NUP35: variants seen among roughly 807,000 people sequenced by gnomAD.
The protein encoded by NUP35 is nucleoporin 35, also known as nucleoporin NUP35.
A neutral mutation model predicts 41.5 loss-of-function variants in NUP35; 25 were observed. The observed-to-expected ratio is 0.60, with a 90% CI of 0.44 to 0.84. The LOEUF (loss-of-function observed/expected upper bound fraction) is 0.84. NUP35 is among the 40% of genes least tolerant of loss of function. The pLI is 0.00. For missense variants in NUP35, 396 were observed against 396.6 expected (o/e 1.00, Z 0.01); for synonymous variants, 149 against 130.7 (o/e 1.14, Z -0.96).
chr2:183,118,011 G>C (rs4666888), intron 1 of NUP35, among the ~76,000 whole-genome samples: 95,136 of 152,016 alleles, frequency 0.63, 32,672 homozygotes, highest in East Asian at 0.98. Context: ...TGGCAGTTTA[G>C]GGGGCAAGAA....
chr2:183,138,538 T>C (rs1288515587), intron 4 of NUP35, among the ~76,000 whole-genome samples: 1 of 151,986 alleles, frequency 6.6e-6, no homozygotes, highest in Non-Finnish European at 1.5e-5. Flanking sequence ...TAAGTCAAAA[T>C]AGGAAATCTG....
chr2:183,148,754 G>A (rs766750406), intron 4 of NUP35, among the ~76,000 whole-genome samples: 59 of 152,156 alleles, frequency 3.9e-4, no homozygotes, highest in Non-Finnish European at 1.8e-4. Context: ...CACCTCCCAG[G>A]CTCCAGTGAT....
At position 183,128,330 on chromosome 2, in the gene NUP35, A is replaced by C; in HGVS notation, c.84A>C (p.Pro28=). 6.2e-7 allele frequency: 1 copy of C among 1,613,818 alleles called. No homozygotes were observed. The highest frequency in any genetic ancestry group is 8.5e-7 in the Non-Finnish European group (1 of 1,179,804). Residue 28 remains proline (P), a synonymous_variant, in exon 2 of 9, where the codon CCA becomes CCC. Coordinates refer to ENST00000295119, the MANE Select transcript of NUP35 (RefSeq NM_138285.5). ...TGGGTTCACCCACATCTCCAAAGCC[A>C]GGAGTTAATGCCCAGTTCTTACCTG... ...MMLGSPTSPK[P]GVNAQFLPGF... is the part of the protein sequence containing the mutation.
rs143697117 is a variant in NUP35, at chr2:183,158,407, A to C, written c.734A>C (p.Asp245Ala). The C allele has an allele frequency of 3.5e-4, 563 of 1,597,644 alleles. No homozygotes were observed. The highest frequency in any genetic ancestry group is 4.6e-4 in the Non-Finnish European group (534 of 1,170,842). ...ATGATTGGTGTAAAACCATGTATTG[A>C]CAAAGTAAGTTATTGGTGATGTAGG... The part of the protein sequence containing the change: ...SIMIGVKPCI[D>A]KSVMESSDRC... Residue 245 changes from aspartate (D) to alanine (A), a missense_variant, in exon 7 of 9, where the codon GAC becomes GCC. Asp to Ala is a moderately radical substitution (Grantham distance 126, BLOSUM62 -2). Coordinates refer to ENST00000295119, the MANE Select transcript of NUP35 (RefSeq NM_138285.5).
At chr2:183,132,739 G>A (rs902558412) in intron 3 of NUP35, among the ~76,000 whole-genome samples, 1 of 152,132 alleles carries the variant, frequency 6.6e-6, no homozygotes, top group African/African-American at 2.4e-5. Context: ...TTTTTGATTT[G>A]AAAGTTGGTA....
At position 183,129,156 on chromosome 2, in the gene NUP35, C is replaced by T. The variant is rs931965706; in HGVS notation, c.211+699C>T. On this transcript the variant is annotated intron_variant, in intron 2 of 8. Coordinates refer to ENST00000295119, the MANE Select transcript of NUP35 (RefSeq NM_138285.5). ...GAAGTGTAACTTGAAGATGTAGATA[C>T]GAATTCTGCCTTTAGTCTTAGTGAA... is the stretch of plus-strand genomic sequence containing the variant. Among the ~76,000 whole-genome samples the T allele has an allele frequency of 6.6e-5, 10 of 152,224 alleles. No homozygotes were observed. The East Asian group carries it at 1.3e-3, about 21-fold the overall frequency.
At chr2:183,150,641 C>T in intron 4 of NUP35, among the ~76,000 whole-genome samples, 1 of 152,118 alleles carries the variant, frequency 6.6e-6, no homozygotes, top group Non-Finnish European at 1.5e-5. Flanking sequence ...AGTTTTGTAG[C>T]ACATTAAGTA....
chr2:183,134,289 T>A (rs1000462844), intron 4 of NUP35, among the ~76,000 whole-genome samples: 19 of 152,202 alleles, frequency 1.2e-4, no homozygotes, highest in Non-Finnish European at 2.5e-4. Flanking sequence ...TCCCTGCCTT[T>A]ATGGAACTTA....
chr2:183,140,822 CAAA>C (rs34256493), intron 4 of NUP35, among the ~76,000 whole-genome samples: 14 of 89,518 alleles, frequency 1.6e-4, no homozygotes, highest in Non-Finnish European at 1.5e-4. Context: ...AAACTCCATT[CAAA>C]AAAAAAAAAA....
At chr2:183,120,358 A>C (rs1278544107), upstream of NUP35, among the ~76,000 whole-genome samples, 1 of 150,180 alleles carries the variant, frequency 6.7e-6, no homozygotes, top group Non-Finnish European at 1.5e-5. Context: ...AGGCAGGAGA[A>C]TTTCTTGAAC....
intron 4 of NUP35, among the ~76,000 whole-genome samples, chr2:183,147,677 C>T (rs1435710493): frequency 1.3e-5 from 2 of 152,072 alleles, no homozygotes; most frequent in African/African-American, 4.8e-5. Context: ...TTCTTGCTTC[C>T]CTGTGAATTT....
At chr2:183,119,665 G>A (rs545429809), upstream of NUP35, among the ~76,000 whole-genome samples, 43 of 152,134 alleles carry the variant, frequency 2.8e-4, no homozygotes, top group African/African-American at 9.9e-4. Flanking sequence ...AGGATGAGGA[G>A]GTGAAGGAAA....
At chr2:183,157,665 G>A (rs72894596) in intron 6 of NUP35, 152 bp downstream of exon 6, 18,911 of 592,958 alleles carry the variant, frequency 0.032, 430 homozygotes, top group Non-Finnish European at 0.042. Context: ...CTGGAAGGCT[G>A]GAAGTTGCCT....
At chr2:183,140,878 G>A (rs2675098) in intron 4 of NUP35, among the ~76,000 whole-genome samples, 118,752 of 150,922 alleles carry the variant, frequency 0.79, 47,123 homozygotes, top group African/African-American at 0.86. Flanking sequence ...AAAATGCAAT[G>A]ATCTTTAACC....
intron 5 of NUP35, among the ~76,000 whole-genome samples, chr2:183,153,718 C>G (rs1339073083): frequency 6.6e-6 from 1 of 152,134 alleles, no homozygotes; most frequent in Non-Finnish European, 1.5e-5. Context: ...ATGGGTTTTC[C>G]AGGCACAGAG....
intron 2 of NUP35, among the ~76,000 whole-genome samples, chr2:183,129,024 G>A (rs956663455): frequency 6.6e-6 from 1 of 152,134 alleles, no homozygotes; most frequent in Admixed American, 6.5e-5. Flanking sequence ...AGTGTGGTGG[G>A]GGAAGAGTGC....
Position 183,158,289 on chromosome 2 carries a change from A to G in NUP35, c.616A>G (p.Asn206Asp), listed in dbSNP as rs1176714303. Reference protein sequence around the residue: ...YGNILKHVMSNTGNWMHIRYQ... With the variant: ...YGNILKHVMSDTGNWMHIRYQ... ...ACAGTTTTATTCTTTGCAGATGTCT[A>G]ATACAGGAAATTGGATGCATATTCG... is the stretch of plus-strand genomic sequence containing the variant. Residue 206 changes from asparagine to aspartate, a missense_variant, in exon 7 of 9, where the codon AAT (asparagine) becomes GAT (aspartate). By Grantham distance (23) the Asn-to-Asp change is conservative. Transcript: ENST00000295119. The G allele has an allele frequency of 1.9e-6, 3 of 1,585,576 alleles. No individual in the cohort carries two copies. Among genetic ancestry groups the G allele is most frequent in the Non-Finnish European group, 1.7e-6 (2 of 1,163,662 alleles).
intron 1 of NUP35, among the ~76,000 whole-genome samples, chr2:183,124,832 C>T (rs1684384283): frequency 6.6e-6 from 1 of 152,096 alleles, no homozygotes; most frequent in African/African-American, 2.4e-5. Context: ...ATGCTGGTTG[C>T]TGGATTCCCA....
At chr2:183,141,086 C>A (rs1164235895) in intron 4 of NUP35, among the ~76,000 whole-genome samples, 9 of 151,990 alleles carry the variant, frequency 5.9e-5, no homozygotes, top group Non-Finnish European at 1.3e-4. Flanking sequence ...GATAGGATTA[C>A]CTCTGGAGAT....
Sources: gnomAD v4.1 joint callset for allele counts (sites outside exome capture counted in the v4.1 genomes callset) on GRCh38, gnomAD v4.1.1 for gene constraint, MANE v1.5 for transcripts, NCBI Gene and HGNC (gene_info 2026-07-23, HGNC 2026-07-21) for gene names.